CD99L2: variants seen among roughly 807,000 people sequenced by gnomAD.
CD99L2 encodes the protein CD99 antigen-like protein 2.
CD99L2 carries 24 observed loss-of-function variants against 27.3 expected under a neutral mutation model. That is an observed-to-expected ratio of 0.88 (90% CI 0.64 to 1.24). The LOEUF (loss-of-function observed/expected upper bound fraction) is 1.24. Ranked by LOEUF, CD99L2 falls within the 50% of genes most tolerant of loss-of-function variation. The probability of loss-of-function intolerance (pLI) is 0.00; values close to 1 mark genes in which losing one functional copy is unlikely to be tolerated. For synonymous variants in CD99L2, 97 were observed against 87.9 expected, an observed-to-expected ratio of 1.10 and a Z score of -0.58; for missense variants, 255 against 221.6, an observed-to-expected ratio of 1.15 and a Z score of -0.96.
chrX:150,812,672 G>C (rs2046089692), intron 4 of CD99L2, among the ~76,000 whole-genome samples: 1 of 112,320 alleles, frequency 8.9e-6, no homozygotes, highest in Non-Finnish European at 1.9e-5. Flanking sequence ...ACTACCATGT[G>C]ATCCAGTCAC....
At chrX:150,854,827 C>T (rs781812784) in intron 1 of CD99L2, among the ~76,000 whole-genome samples, 38 of 111,037 alleles carry the variant, frequency 3.4e-4, no homozygotes, top group Non-Finnish European at 6.6e-4. Context: ...CAGAGGCCCC[C>T]GATTATGTGG....
At chrX:150,850,997 G>A (rs2046783365) in intron 1 of CD99L2, among the ~76,000 whole-genome samples, 1 of 111,043 alleles carries the variant, frequency 9.0e-6, no homozygotes, top group African/African-American at 3.3e-5. Context: ...GCCACGGCAC[G>A]CGGCTAATTT....
intron 7 of CD99L2, among the ~76,000 whole-genome samples, chrX:150,789,696 G>A (rs781793904): frequency 1.8e-5 from 2 of 111,214 alleles, no homozygotes; most frequent in Non-Finnish European, 3.8e-5. Context: ...ACCACCCTGG[G>A]CAACATAGCA....
chrX:150,796,552 T>G (rs782412101), intron 4 of CD99L2, among the ~76,000 whole-genome samples: 1 of 112,228 alleles, frequency 8.9e-6, no homozygotes, highest in Non-Finnish European at 1.9e-5. Context: ...ACATTTATAG[T>G]TGGGGACTTC....
At chrX:150,884,296 G>T (rs183131180) in intron 1 of CD99L2, among the ~76,000 whole-genome samples, 2 of 111,953 alleles carry the variant, frequency 1.8e-5, no homozygotes, top group Non-Finnish European at 1.9e-5. Flanking sequence ...TCAGGGTGAT[G>T]ATACTGCATG....
intron 1 of CD99L2, among the ~76,000 whole-genome samples, chrX:150,836,968 C>T (rs972578605): frequency 2.7e-5 from 3 of 112,049 alleles, no homozygotes; most frequent in African/African-American, 9.8e-5. Flanking sequence ...CCATGTGGCA[C>T]GTGACTATAA....
chrX:150,824,326 GAGAAGA>G (rs1222953852), intron 2 of CD99L2, among the ~76,000 whole-genome samples: 2 of 80,495 alleles, frequency 2.5e-5, no homozygotes, highest in South Asian at 7.5e-4. Context: ...GGAGGAGGAG[GAGAAGA>G]AGAAGAAGAA....
At chrX:150,785,948 T>C (rs1182901283) in intron 7 of CD99L2, among the ~76,000 whole-genome samples, 2 of 111,815 alleles carry the variant, frequency 1.8e-5, no homozygotes, top group East Asian at 5.6e-4. Context: ...AGCATTCTTT[T>C]ATAAGTCTTT....
At chrX:150,866,968 A>T (rs1025874845) in intron 1 of CD99L2, among the ~76,000 whole-genome samples, 1 of 112,050 alleles carries the variant, frequency 8.9e-6, no homozygotes, top group Non-Finnish European at 1.9e-5. Context: ...AGAAAAAAAA[A>T]ACAGGTAGCT....
chrX:150,886,656 C>CA (rs200782910), intron 1 of CD99L2, among the ~76,000 whole-genome samples: 1,630 of 112,509 alleles, frequency 0.014, 24 homozygotes, highest in African/African-American at 0.049. Context: ...CGCCACCCCC[C>CA]ACCCCCTAGG....
At position 150,768,405 on chromosome X, in the gene CD99L2, T is replaced by C. The variant is rs782093590; in HGVS notation, c.*629A>G. ...AGATGCATGTTTGTACTTAAATCAC[T>C]GAAAGCCTCCGCTTGGACCGGCTCT... On this transcript the variant is annotated 3_prime_UTR_variant, in exon 11 of 11. Transcript: ENST00000370377. 3.5e-5 allele frequency: 4 copies of C among 112,980 alleles called. No homozygotes were observed. Among genetic ancestry groups the C allele is most frequent in the African/African-American group, 1.3e-4 (4 of 31,115 alleles). The allele number at this position is 112,980 out of a possible 1,213,427, so 9.3% of individuals were successfully genotyped here.
intron 2 of CD99L2, among the ~76,000 whole-genome samples, chrX:150,825,164 G>T (rs956551772): frequency 8.9e-5 from 10 of 111,795 alleles, no homozygotes; most frequent in African/African-American, 3.2e-4. Flanking sequence ...ATTATATTAT[G>T]ATATAGATAG....
intron 8 of CD99L2, 153 bp downstream of exon 8, chrX:150,777,291 C>A: frequency 1.5e-6 from 1 of 653,113 alleles, no homozygotes; most frequent in South Asian, 2.6e-5. Context: ...CTTTTTCCAT[C>A]TTTGCAGCTA....
intron 1 of CD99L2, among the ~76,000 whole-genome samples, chrX:150,858,811 C>T (rs1358271305): frequency 9.0e-6 from 1 of 111,087 alleles, no homozygotes; most frequent in Non-Finnish European, 1.9e-5. Flanking sequence ...ATAATCCAAA[C>T]CCAAAATTAG....
At chrX:150,882,371 T>C (rs1286431698) in intron 1 of CD99L2, among the ~76,000 whole-genome samples, 1 of 112,564 alleles carries the variant, frequency 8.9e-6, no homozygotes, top group Non-Finnish European at 1.9e-5. Flanking sequence ...TGTACAAAGA[T>C]ATTTAATGAA....
Position 150,898,511 on chromosome X carries a change from G to A in CD99L2, c.67+11C>T, listed in dbSNP as rs370525175. The A allele has an allele frequency of 1.0e-2, 10,952 of 1,099,453 alleles. 63 individuals are homozygous for A. The highest frequency in any genetic ancestry group is 0.012 in the Middle Eastern group (35 of 2,862). The allele number at this position is 1,099,453 out of a possible 1,213,427, so 90.6% of individuals were successfully genotyped here. ...CCCGCGCGGTCCCCGCGCGCCCCCC[G>A]CCCGCCTTACCTCGCTGGACCAGGG... is the stretch of plus-strand genomic sequence containing the variant. On this transcript the variant is annotated intron_variant, in intron 1 of 10. Transcript: ENST00000370377.
rs7877654 is a variant in CD99L2 at position 150,769,055 on chromosome X, C to A, written c.768G>T (p.Pro256=). ...GCCCTCAGATCCGGGCTGGTTCGGG[C>A]GGCGGCGGCGGCTCTGCAGACTGCG... The part of the protein sequence containing the change: ...LHTQSAEPPP[P]PEPARI The change falls in exon 11 of 11, where the codon CCG becomes CCT. Residue 256 remains proline (P), a synonymous_variant. Transcript: ENST00000370377. The A allele has an allele frequency of 4.4e-6, 5 of 1,145,309 alleles. No homozygotes were observed. In the African/African-American group the frequency reaches 7.6e-5, roughly 17 times the overall value. 94.4% of individuals were successfully genotyped at this position (1,145,309 alleles called of 1,213,427 possible). A position where few individuals can be genotyped will look rare whatever the true frequency, so the allele number is the denominator to read the frequency against.
At chrX:150,889,726 G>C (rs782263596) in intron 1 of CD99L2, among the ~76,000 whole-genome samples, 1 of 112,886 alleles carries the variant, frequency 8.9e-6, no homozygotes, top group African/African-American at 3.2e-5. Context: ...TATTTCTGCT[G>C]TAAAGCAGCA....
intron 7 of CD99L2, among the ~76,000 whole-genome samples, chrX:150,781,870 C>A (rs902691849): frequency 8.9e-6 from 1 of 112,019 alleles, no homozygotes; most frequent in Non-Finnish European, 1.9e-5. Context: ...ATAAGCCCTG[C>A]GATCAAAGGA....
Sources: gnomAD v4.1 joint callset for allele counts (sites outside exome capture counted in the v4.1 genomes callset) on GRCh38, gnomAD v4.1.1 for gene constraint, MANE v1.5 for transcripts, NCBI Gene and HGNC (gene_info 2026-07-23, HGNC 2026-07-21) for gene names.